ABCA1: variants seen among roughly 807,000 people sequenced by gnomAD.
The protein encoded by ABCA1 is ATP binding cassette subfamily A member 1, also known as phospholipid-transporting ATPase ABCA1.
A neutral mutation model predicts 262.5 loss-of-function variants in ABCA1; 133 were observed. The ratio of observed to expected loss-of-function variants is 0.51; its 90% CI spans 0.44 to 0.59. The LOEUF is 0.59. ABCA1 is among the 20% of genes least tolerant of loss of function. ABCA1 has a pLI of 0.00. For synonymous variants in ABCA1, 1,022 were observed against 1,043.5 expected, an observed-to-expected ratio of 0.98 and a Z score of 0.40; for missense variants, 2,452 against 2,777.5, an observed-to-expected ratio of 0.88 and a Z score of 2.63.
At chr9:104,899,858 T>A (rs1365507857) in intron 2 of ABCA1, among the ~76,000 whole-genome samples, 2 of 152,216 alleles carry the variant, frequency 1.3e-5, no homozygotes, top group Non-Finnish European at 2.9e-5. Flanking sequence ...TAAAACCAGA[T>A]GAGGATCGTG....
At chr9:104,847,748 C>G (rs1054074964) in intron 7 of ABCA1, among the ~76,000 whole-genome samples, 1 of 152,330 alleles carries the variant, frequency 6.6e-6, no homozygotes, top group Non-Finnish European at 1.5e-5. Flanking sequence ...TTCCTGAAGG[C>G]TTGGGATAAA....
intron 2 of ABCA1, among the ~76,000 whole-genome samples, chr9:104,899,688 A>G (rs566653191): frequency 4.3e-4 from 66 of 152,104 alleles, no homozygotes; most frequent in African/African-American, 1.5e-3. Flanking sequence ...AGTGAGACTC[A>G]GTTTAAAAAA....
At chr9:104,861,419 C>G in intron 6 of ABCA1, 1 of 598,490 alleles carries the variant, frequency 1.7e-6, no homozygotes, top group Non-Finnish European at 3.0e-6. Flanking sequence ...AGGAGGAAAT[C>G]ATCACAAATG....
At chr9:104,834,189 A>G (rs1172902534) in intron 11 of ABCA1, among the ~76,000 whole-genome samples, 1 of 149,960 alleles carries the variant, frequency 6.7e-6, no homozygotes, top group Non-Finnish European at 1.5e-5. Flanking sequence ...AGTGCTGAAC[A>G]TTTAGTCTAT....
chr9:104,840,280 T>C lies in ABCA1; in HGVS notation c.1053A>G (p.Thr351=). The change falls in exon 9 of 50, where the codon ACA becomes ACG. Residue 351 remains threonine (T), a splice_region_variant and synonymous_variant. Coordinates refer to ENST00000374736, the MANE Select transcript of ABCA1 (RefSeq NM_005502.4). ...EDAETFYDNS[T]TPYCNDLMKN... ...GCTGGGGTCTGCATGGACACTCACTTGTAGAGTTGTCATAGAAGGTTTCAG... is the reference window on the plus strand; with the variant it reads ...GCTGGGGTCTGCATGGACACTCACTCGTAGAGTTGTCATAGAAGGTTTCAG... 1 of 1,614,132 alleles carries C rather than the reference T, an allele frequency of 6.2e-7. No homozygotes were observed. Among genetic ancestry groups the C allele is most frequent in the Non-Finnish European group, 8.5e-7 (1 of 1,180,022 alleles).
chr9:104,922,909 G>T (rs1429954617), intron 1 of ABCA1, among the ~76,000 whole-genome samples: 2 of 152,054 alleles, frequency 1.3e-5, no homozygotes, highest in African/African-American at 4.8e-5. Flanking sequence ...TAGAGACGGG[G>T]TTTCACCATA....
At position 104,810,901 on chromosome 9, in the gene ABCA1, G is replaced by T; in HGVS notation, c.4074C>A (p.Val1358=). 3 of 1,614,210 alleles carry T rather than the reference G, an allele frequency of 1.9e-6. No individual in the cohort carries two copies. The highest frequency in any genetic ancestry group is 2.7e-5 in the African/African-American group (2 of 75,062). The change falls in exon 29 of 50, where the codon GTC becomes GTA. Residue 1358 remains valine, a synonymous_variant. Transcript: ENST00000374736. ...TCAGGCTGAACACAAGGGCAATGCA[G>T]ACAAACACAGCTGGCAAGACAATCT... ...FAQIVLPAVF[V]CIALVFSLIV... is the part of the protein sequence containing the mutation.
In ABCA1 at chr9:104,903,738, A is replaced by G. The variant is rs1300908860; in HGVS notation, c.-59T>C. On this transcript the variant is annotated 5_prime_UTR_variant, in exon 2 of 50. Transcript: ENST00000374736. ...GGGAGCCCTGGAAGGCAGCGGCCAG[A>G]GCTCACAGCAGGGACGCCGTGGCTG... The G allele has an allele frequency of 6.7e-7, 1 of 1,500,100 alleles. No individual in the cohort carries two copies. The highest frequency in any genetic ancestry group is 9.1e-7 in the Non-Finnish European group (1 of 1,100,436). 92.9% of individuals were successfully genotyped at this position (1,500,100 alleles called of 1,614,324 possible). A position where few individuals can be genotyped will look rare whatever the true frequency, so the allele number is the denominator to read the frequency against.
rs926985307 is a variant in ABCA1, at chr9:104,903,750, G to T, written c.-71C>A. The stretch of plus-strand genomic sequence containing the variant: ...AGGCAGCGGCCAGAGCTCACAGCAG[G>T]GACGCCGTGGCTGGTCATTAACTGA... On this transcript the variant is annotated 5_prime_UTR_variant, in exon 2 of 50. Coordinates refer to ENST00000374736, the MANE Select transcript of ABCA1 (RefSeq NM_005502.4). 3 of 1,425,056 alleles carry T rather than the reference G, an allele frequency of 2.1e-6. No homozygotes were observed. Among genetic ancestry groups the T allele is most frequent in the Non-Finnish European group, 2.9e-6 (3 of 1,034,512 alleles). 88.3% of individuals were successfully genotyped at this position (1,425,056 alleles called of 1,614,324 possible). A position where few individuals can be genotyped will look rare whatever the true frequency, so the allele number is the denominator to read the frequency against.
chr9:104,927,606 C>T (rs1044334448), intron 1 of ABCA1: 4 of 152,454 alleles, frequency 2.6e-5, no homozygotes. Context: ...GCAGCTCTCC[C>T]CACCCGGCAG....
At chr9:104,799,002 C>T (rs563472187) in intron 36 of ABCA1, among the ~76,000 whole-genome samples, 7 of 152,146 alleles carry the variant, frequency 4.6e-5, no homozygotes, top group African/African-American at 1.7e-4. Context: ...TCTGTAACTA[C>T]TCAAATAAAT....
chr9:104,879,070 T>A (rs566217035), intron 5 of ABCA1, among the ~76,000 whole-genome samples: 161 of 146,838 alleles, frequency 1.1e-3, no homozygotes, highest in Admixed American at 1.9e-3. Context: ...CGAGGCTCTG[T>A]CTTAAAAAAA....
intron 8 of ABCA1, among the ~76,000 whole-genome samples, chr9:104,844,413 C>T (rs1273697163): frequency 6.6e-6 from 1 of 151,926 alleles, no homozygotes; most frequent in Non-Finnish European, 1.5e-5. Flanking sequence ...GTCAGAAACA[C>T]GTGAGCAGAA....
At chr9:104,907,309 T>C (rs1841216297) in intron 1 of ABCA1, among the ~76,000 whole-genome samples, 1 of 152,124 alleles carries the variant, frequency 6.6e-6, no homozygotes, top group Admixed American at 6.5e-5. Flanking sequence ...TTTCCTGATA[T>C]CCTCCCCTGC....
At chr9:104,792,070 A>G (rs533547604) in intron 42 of ABCA1, 72 bp from the exon 43 acceptor site, 2 of 1,402,534 alleles carry the variant, frequency 1.4e-6, no homozygotes, top group African/African-American at 1.4e-5. Flanking sequence ...TGTGGAAGGC[A>G]GGACTATAAA....
Position 104,909,865 on chromosome 9 carries a change from G to A in ABCA1, c.-92-6094C>T, listed in dbSNP as rs191923149. Among the ~76,000 whole-genome samples, 25 of 152,244 alleles carry A rather than the reference G, an allele frequency of 1.6e-4. No homozygotes were observed. The East Asian group carries it at 2.7e-3, about 16-fold the overall frequency. On this transcript the variant is annotated intron_variant, in intron 1 of 49. Transcript: ENST00000374736. ...AAGATAGGAGGATTTTTCCCCATTT[G>A]GCATAGCCAAAAGAAAAACAGGAAC...
chr9:104,825,395 G>A (rs1350159083), intron 17 of ABCA1, among the ~76,000 whole-genome samples: 1 of 152,160 alleles, frequency 6.6e-6, no homozygotes, highest in African/African-American at 2.4e-5. Context: ...GAAAATTGCT[G>A]GTTATTATAG....
In ABCA1 at chr9:104,795,528, G is replaced by A. The variant is rs374611583; in HGVS notation, c.5382+525C>T. Among the ~76,000 whole-genome samples, 156 of 152,326 alleles carry A rather than the reference G, an allele frequency of 1.0e-3. 2 individuals carry two copies. The South Asian group carries it at 0.027, about 26-fold the overall frequency. ...CGAGTGGATGGTAGTGCCACTGAGT[G>A]TGACAGGGATGGCAAGAAAAGCATT... On this transcript the variant is annotated intron_variant, in intron 39 of 49. Transcript: ENST00000374736.
intron 1 of ABCA1, among the ~76,000 whole-genome samples, chr9:104,912,744 C>CG (rs546132800): frequency 9.9e-5 from 15 of 152,176 alleles, no homozygotes; most frequent in African/African-American, 2.7e-4. Flanking sequence ...TTTCCCTGGT[C>CG]GGGGGGTATG....
Sources: gnomAD v4.1 joint callset for allele counts (sites outside exome capture counted in the v4.1 genomes callset) on GRCh38, gnomAD v4.1.1 for gene constraint, MANE v1.5 for transcripts, NCBI Gene and HGNC (gene_info 2026-07-23, HGNC 2026-07-21) for gene names.